ADORA2B: variants seen among roughly 807,000 people sequenced by gnomAD.
The protein encoded by ADORA2B is adenosine receptor A2b.
In ADORA2B, 18 loss-of-function variants were observed where a neutral mutation model predicts 20.8. The ratio of observed to expected loss-of-function variants is 0.87; its 90% confidence interval spans 0.60 to 1.29. The LOEUF (loss-of-function observed/expected upper bound fraction) is 1.29, where lower values mean the gene tolerates loss of function less well. Among genes scored for constraint, ADORA2B ranks in the 50% most tolerant of loss-of-function variants. ADORA2B has a pLI of 0.00. For missense variants in ADORA2B, 441 were observed against 422.7 expected (o/e 1.04, Z -0.38); for synonymous variants, 179 against 178.3 (o/e 1.00, Z -0.03).
the ADORA2B span, among the ~76,000 whole-genome samples, chr17:15,863,344 A>AT: frequency 6.6e-6 from 1 of 151,778 alleles, no homozygotes; most frequent in South Asian, 2.1e-4. Context: ...TACCTTGAAA[A>AT]ATTTTTTTTT....
chr17:15,865,830 C>CTTT, the ADORA2B span, among the ~76,000 whole-genome samples: 354 of 145,716 alleles, frequency 2.4e-3, 1 homozygote, highest in African/African-American at 8.2e-3. Context: ...TTGCATGTAT[C>CTTT]TTTTTTTTTT....
chr17:15,880,898 C>T, the ADORA2B span, among the ~76,000 whole-genome samples: 1 of 152,196 alleles, frequency 6.6e-6, no homozygotes, highest in Non-Finnish European at 1.5e-5. Flanking sequence ...AGATTGCTTA[C>T]CAGCTTGCGA....
intron 1 of ADORA2B, among the ~76,000 whole-genome samples, chr17:15,953,929 A>G (rs182698669): frequency 1.3e-5 from 2 of 152,168 alleles, no homozygotes; most frequent in South Asian, 2.1e-4. Context: ...TGGTGTATTG[A>G]ACACATTTGC....
intron 1 of ADORA2B, among the ~76,000 whole-genome samples, chr17:15,973,346 C>G (rs1970210325): frequency 6.6e-6 from 1 of 152,192 alleles, no homozygotes; most frequent in Non-Finnish European, 1.5e-5. Flanking sequence ...CCACATATAT[C>G]TCCATACTGT....
At chr17:15,865,723 T>G in the ADORA2B span, among the ~76,000 whole-genome samples, 1 of 151,354 alleles carries the variant, frequency 6.6e-6, no homozygotes, top group Non-Finnish European at 1.5e-5. Context: ...ATTATTCTCC[T>G]TATGGATTTT....
At chr17:15,915,308 T>C in the ADORA2B span, among the ~76,000 whole-genome samples, 14 of 152,218 alleles carry the variant, frequency 9.2e-5, no homozygotes, top group African/African-American at 3.1e-4. Flanking sequence ...TCATGTTAAG[T>C]AGATTGGGCC....
At chr17:15,970,056 G>A (rs897293913) in intron 1 of ADORA2B, among the ~76,000 whole-genome samples, 1 of 152,230 alleles carries the variant, frequency 6.6e-6, no homozygotes, top group Non-Finnish European at 1.5e-5. Context: ...AGGCCTCCAT[G>A]TTTCTCTTCT....
chr17:15,857,633 C>A, the ADORA2B span, among the ~76,000 whole-genome samples: 1 of 152,188 alleles, frequency 6.6e-6, no homozygotes, highest in South Asian at 2.1e-4. Context: ...TCAAGGAGAT[C>A]GTTTCAGAGC....
At position 15,974,639 on chromosome 17, in the gene ADORA2B, G is replaced by A. The variant is rs771742757; in HGVS notation, c.336-40G>A. On this transcript the variant is annotated intron_variant, in intron 1 of 1. Transcript: ENST00000304222. ...GGGTCTTGGATTGTGGTTGCAGAGCGCTATAAACTGACCGTAACAGATGGT... is the reference window on the plus strand; with the variant it reads ...GGGTCTTGGATTGTGGTTGCAGAGCACTATAAACTGACCGTAACAGATGGT... The A allele has an allele frequency of 2.1e-5, 33 of 1,566,304 alleles. No homozygotes were observed. The Admixed American group carries it at 3.5e-4, about 17-fold the overall frequency.
At chr17:15,949,062 G>T (rs1969856557) in intron 1 of ADORA2B, among the ~76,000 whole-genome samples, 1 of 151,972 alleles carries the variant, frequency 6.6e-6, no homozygotes, top group East Asian at 1.9e-4. Flanking sequence ...ATAAAAATTA[G>T]CTGGGTGTGG....
the ADORA2B span, among the ~76,000 whole-genome samples, chr17:15,867,873 C>T: frequency 1.3e-5 from 2 of 151,980 alleles, no homozygotes; most frequent in African/African-American, 4.8e-5. Context: ...GGGAGGTGTA[C>T]TCAACAGCTC....
At chr17:15,967,231 CTT>C (rs570632774) in intron 1 of ADORA2B, among the ~76,000 whole-genome samples, 7 of 139,258 alleles carry the variant, frequency 5.0e-5, no homozygotes, top group Admixed American at 1.4e-4. Flanking sequence ...ACCTGCTTGC[CTT>C]TTTTTTTTTT....
At chr17:15,913,461 G>A in the ADORA2B span, among the ~76,000 whole-genome samples, 1 of 152,178 alleles carries the variant, frequency 6.6e-6, no homozygotes, top group Non-Finnish European at 1.5e-5. Flanking sequence ...TTTCCAGCTT[G>A]ATGGTGAAAA....
At chr17:15,927,004 C>A in the ADORA2B span, among the ~76,000 whole-genome samples, 9 of 152,132 alleles carry the variant, frequency 5.9e-5, no homozygotes, top group Non-Finnish European at 1.2e-4. Context: ...AATAAGCAAT[C>A]TCTTTGGTAG....
chr17:15,905,373 T>G, the ADORA2B span, among the ~76,000 whole-genome samples: 1 of 152,154 alleles, frequency 6.6e-6, no homozygotes, highest in South Asian at 2.1e-4. Context: ...ACAGTTGACT[T>G]GTTGTTGTTG....
chr17:15,901,322 G>A, the ADORA2B span, among the ~76,000 whole-genome samples: 9 of 152,126 alleles, frequency 5.9e-5, no homozygotes, highest in African/African-American at 1.9e-4. Context: ...AAAATTAGCC[G>A]GGTGTGGTGG....
chr17:15,938,293 CT>C, the ADORA2B span, among the ~76,000 whole-genome samples: 1 of 152,056 alleles, frequency 6.6e-6, no homozygotes, highest in East Asian at 1.9e-4. Context: ...ATTCAGTGTT[CT>C]TTTTGTTTGT....
intron 1 of ADORA2B, among the ~76,000 whole-genome samples, chr17:15,945,955 C>A (rs1291576003): frequency 6.6e-6 from 1 of 152,168 alleles, no homozygotes. Flanking sequence ...GTGATCACAT[C>A]TCCACTCCTG....
chr17:15,914,199 T>A, the ADORA2B span, among the ~76,000 whole-genome samples: 1 of 152,088 alleles, frequency 6.6e-6, no homozygotes, highest in Non-Finnish European at 1.5e-5. Flanking sequence ...ATAAGGTTAA[T>A]TCAAAAAAAA....
Sources: gnomAD v4.1 joint callset for allele counts (sites outside exome capture counted in the v4.1 genomes callset) on GRCh38, gnomAD v4.1.1 for gene constraint, MANE v1.5 for transcripts, NCBI Gene and HGNC (gene_info 2026-07-23, HGNC 2026-07-21) for gene names.